The following SLC20A2 variants were observed in gnomAD, a reference collection of about 807,000 sequenced individuals.
SLC20A2 encodes the protein solute carrier family 20 member 2, also known as sodium-dependent phosphate transporter 2.
Under a neutral mutation model 61.0 loss-of-function variants are expected in SLC20A2, and 30 were observed. That is an observed-to-expected ratio of 0.49 (90% confidence interval 0.37 to 0.67). The LOEUF (loss-of-function observed/expected upper bound fraction) is 0.67. Ranked by LOEUF, SLC20A2 falls within the 30% of genes least tolerant of loss-of-function variation. SLC20A2 has a pLI of 0.00. For synonymous variants in SLC20A2, 351 were observed against 353.3 expected (o/e 0.99, Z 0.07); for missense variants, 626 against 866.4 (o/e 0.72, Z 3.48).
Position 42,520,872 on chromosome 8 carries a change from AAAT to A in SLC20A2, c.-265+20946_-265+20948del, listed in dbSNP as rs1428413989. ...TTAAAAGGGATTCATTAAGAAAAGA[AAAT>A]AATATTTGAGTACGTGTTGTCTTAC... is the stretch of plus-strand genomic sequence containing the variant. On this transcript the variant is annotated intron_variant, in intron 1 of 10. Transcript: ENST00000342228. Among the ~76,000 whole-genome samples, 4 of 121,884 alleles carry A rather than the reference AAAT, an allele frequency of 3.3e-5. 2 individuals are homozygous for A. The highest frequency in any genetic ancestry group is 7.9e-5 in the Non-Finnish European group (4 of 50,678). The allele number at this position is 121,884 out of a possible 152,430, so 80.0% of individuals were successfully genotyped here.
In SLC20A2 at chr8:42,421,633, C is replaced by A. The variant is rs561886603; in HGVS notation, c.1795-3666G>T. Reference sequence around the variant, plus strand: ...CAGCCTGACCAACATGGAGAAACCCCGTCTCTACTAAAAATACAAAATTAG... The same window carrying A: ...CAGCCTGACCAACATGGAGAAACCCAGTCTCTACTAAAAATACAAAATTAG... On this transcript the variant is annotated intron_variant, in intron 10 of 10. Transcript: ENST00000520262. 2.0e-5 allele frequency among the ~76,000 whole-genome samples: 3 copies of A among 152,150 alleles called. No homozygotes were observed. The East Asian group carries it at 5.8e-4, about 29-fold the overall frequency.
chr8:42,486,608 T>G (rs1318971909), intron 1 of SLC20A2, among the ~76,000 whole-genome samples: 1 of 152,252 alleles, frequency 6.6e-6, no homozygotes, highest in Non-Finnish European at 1.5e-5. Flanking sequence ...TGAAGGATTC[T>G]TTCGGCACTT....
chr8:42,477,089 C>G (rs1808174015), intron 1 of SLC20A2, among the ~76,000 whole-genome samples: 1 of 152,300 alleles, frequency 6.6e-6, no homozygotes, highest in East Asian at 1.9e-4. Flanking sequence ...AAGGCCCCGT[C>G]GCAGTTCTGT....
chr8:42,508,404 T>C (rs1414476267), intron 1 of SLC20A2, among the ~76,000 whole-genome samples: 1 of 152,122 alleles, frequency 6.6e-6, no homozygotes, highest in Non-Finnish European at 1.5e-5. Flanking sequence ...GCTCTGTTTG[T>C]TTTGAGACGG....
At chr8:42,520,805 A>T (rs1811598431) in intron 1 of SLC20A2, among the ~76,000 whole-genome samples, 1 of 120,526 alleles carries the variant, frequency 8.3e-6, no homozygotes, top group African/African-American at 2.5e-5. Context: ...GTACTGTCTG[A>T]GAACGGTAAT....
intron 1 of SLC20A2, among the ~76,000 whole-genome samples, chr8:42,509,624 C>G (rs946078875): frequency 6.6e-6 from 1 of 151,858 alleles, no homozygotes; most frequent in African/African-American, 2.4e-5. Context: ...TGCAGTGGTA[C>G]CCGCCTGTAG....
At chr8:42,441,240 C>T (rs1042842267) in intron 6 of SLC20A2, among the ~76,000 whole-genome samples, 16 of 151,616 alleles carry the variant, frequency 1.1e-4, no homozygotes, top group East Asian at 7.7e-4. Flanking sequence ...CTGTAACTTC[C>T]GCCTCCCGGG....
chr8:42,478,509 C>A (rs923318375), intron 1 of SLC20A2, among the ~76,000 whole-genome samples: 5 of 152,148 alleles, frequency 3.3e-5, no homozygotes, highest in African/African-American at 1.2e-4. Flanking sequence ...CCGTGCCCAG[C>A]CAACTATTGG....
At chr8:42,470,069 A>G (rs1478105190) in intron 2 of SLC20A2, among the ~76,000 whole-genome samples, 1 of 152,148 alleles carries the variant, frequency 6.6e-6, no homozygotes, top group Non-Finnish European at 1.5e-5. Flanking sequence ...TATCACAACT[A>G]AAAAGGTGAA....
intron 1 of SLC20A2, among the ~76,000 whole-genome samples, chr8:42,516,873 C>T (rs2131388469): frequency 6.6e-6 from 1 of 152,288 alleles, no homozygotes; most frequent in East Asian, 1.9e-4. Context: ...GTAATCTAGG[C>T]ACCCATCAGT....
chr8:42,534,000 CTTCT>C (rs1281256854), intron 1 of SLC20A2, among the ~76,000 whole-genome samples: 1 of 152,012 alleles, frequency 6.6e-6, no homozygotes, highest in East Asian at 1.9e-4. Context: ...GAAATCCCTG[CTTCT>C]TACTGCCTGC....
At chr8:42,436,462 G>A (rs1804264170) in intron 8 of SLC20A2, among the ~76,000 whole-genome samples, 2 of 152,096 alleles carry the variant, frequency 1.3e-5, no homozygotes, top group Non-Finnish European at 1.5e-5. Context: ...CATCCAGGCC[G>A]TCGTCCAAAG....
rs1174703483 is a variant in SLC20A2, at chr8:42,465,926, T to A, written c.290-9A>T. ...CTGCCACACAGCGGAACCTACAGATTGAAGGACAAAAAACCATCAGATACA... is the reference window on the plus strand; with the variant it reads ...CTGCCACACAGCGGAACCTACAGATAGAAGGACAAAAAACCATCAGATACA... On this transcript the variant is annotated splice_polypyrimidine_tract_variant and intron_variant, in intron 2 of 10. Coordinates refer to ENST00000520262, the MANE Select transcript of SLC20A2 (RefSeq NM_001257180.2). 2 of 1,604,588 alleles carry A rather than the reference T, an allele frequency of 1.2e-6. No individual in the cohort carries two copies. Among genetic ancestry groups the A allele is most frequent in the Admixed American group, 1.8e-5 (1 of 57,074 alleles).
At chr8:42,462,230 G>T (rs754981126) in intron 4 of SLC20A2, among the ~76,000 whole-genome samples, 1 of 152,100 alleles carries the variant, frequency 6.6e-6, no homozygotes, top group Non-Finnish European at 1.5e-5. Flanking sequence ...GAATATGAGT[G>T]TTCCTGGTCC....
At chr8:42,438,272 C>G (rs942523397) in intron 7 of SLC20A2, among the ~76,000 whole-genome samples, 1 of 152,074 alleles carries the variant, frequency 6.6e-6, no homozygotes, top group Non-Finnish European at 1.5e-5. Context: ...ATACATGAGA[C>G]AAAACCCACT....
intron 1 of SLC20A2, among the ~76,000 whole-genome samples, chr8:42,491,900 CT>C (rs544076306): frequency 2.6e-5 from 4 of 152,188 alleles, no homozygotes; most frequent in Non-Finnish European, 5.9e-5. Context: ...TGCAGGAGAG[CT>C]TTGGGACTTA....
intron 5 of SLC20A2, 31 bp downstream of exon 5, chr8:42,459,865 C>A: frequency 1.4e-6 from 2 of 1,408,612 alleles, no homozygotes; most frequent in Non-Finnish European, 2.0e-6. Context: ...ATGCACTTTG[C>A]CCCTGGAGTA....
intron 5 of SLC20A2, among the ~76,000 whole-genome samples, chr8:42,450,303 T>C (rs539397912): frequency 2.0e-5 from 3 of 151,820 alleles, no homozygotes; most frequent in South Asian, 2.1e-4. Flanking sequence ...TCTTGGCTCA[T>C]TGCAACCTCT....
At chr8:42,468,125 A>G (rs1563493091) in intron 2 of SLC20A2, among the ~76,000 whole-genome samples, 1 of 151,982 alleles carries the variant, frequency 6.6e-6, no homozygotes, top group South Asian at 2.1e-4. Context: ...GATGGTCTCA[A>G]TCTCCTGACC....
Sources: allele counts gnomAD v4.1 joint callset (sites outside exome capture counted in the v4.1 genomes callset), GRCh38; gene constraint gnomAD v4.1.1; transcripts MANE v1.5; gene names NCBI Gene and HGNC (gene_info 2026-07-23, HGNC 2026-07-21).